SORCS2: variants seen among roughly 807,000 people sequenced by gnomAD.
The protein encoded by SORCS2 is VPS10 domain-containing receptor SorCS2.
In SORCS2, 100 loss-of-function variants were observed where a neutral mutation model predicts 141.6. The observed-to-expected ratio is 0.71, with a 90% CI of 0.60 to 0.83. The LOEUF (loss-of-function observed/expected upper bound fraction) is 0.83. Ranked by LOEUF, SORCS2 falls within the 40% of genes least tolerant of loss-of-function variation. The probability of loss-of-function intolerance (pLI) is 0.00; values close to 1 mark genes in which losing one functional copy is unlikely to be tolerated. For synonymous variants in SORCS2, 789 were observed against 676.9 expected, an observed-to-expected ratio of 1.17 and a Z score of -2.57; for missense variants, 1,646 against 1,560.2, an observed-to-expected ratio of 1.05 and a Z score of -0.93.
intron 2 of SORCS2, among the ~76,000 whole-genome samples, chr4:7,487,274 T>C (rs1295884511): frequency 6.6e-6 from 1 of 152,230 alleles, no homozygotes; most frequent in Admixed American, 6.5e-5. Context: ...AGTTCTGTTT[T>C]CACAAGCTGT....
At position 7,507,342 on chromosome 4, in the gene SORCS2, T is replaced by G. The variant is rs868436818; in HGVS notation, c.549-24188T>G. Among the ~76,000 whole-genome samples, 74 of 152,214 alleles carry G rather than the reference T, an allele frequency of 4.9e-4. 1 individual carries two copies. The Middle Eastern group carries it at 0.014, about 28-fold the overall frequency. ...GGCGCGTGCCACCACGCCAGGCTAA[T>G]TTTTTGTATTTTAGTAGAGACAGGG... is the stretch of plus-strand genomic sequence containing the variant. On this transcript the variant is annotated intron_variant, in intron 2 of 26. Transcript: ENST00000507866.
intron 1 of SORCS2, among the ~76,000 whole-genome samples, chr4:7,232,215 G>A (rs1560128220): frequency 6.6e-6 from 1 of 152,180 alleles, no homozygotes; most frequent in Non-Finnish European, 1.5e-5. Context: ...GGAGCAGTGG[G>A]GAGGCCTGGG....
chr4:7,462,386 T>A (rs1328374242), intron 2 of SORCS2, among the ~76,000 whole-genome samples: 2 of 152,196 alleles, frequency 1.3e-5, no homozygotes, highest in Non-Finnish European at 2.9e-5. Flanking sequence ...AAGACGGGCT[T>A]CGGGAGGCTG....
chr4:7,277,093 C>G (rs1055887216), intron 1 of SORCS2, among the ~76,000 whole-genome samples: 3 of 128,902 alleles, frequency 2.3e-5, no homozygotes, highest in Non-Finnish European at 4.7e-5. Flanking sequence ...CCTGCCCCCA[C>G]GTCCTGTGAG....
intron 1 of SORCS2, among the ~76,000 whole-genome samples, chr4:7,266,701 C>T (rs754827391): frequency 2.0e-5 from 3 of 152,228 alleles, no homozygotes; most frequent in Non-Finnish European, 4.4e-5. Flanking sequence ...GATACCCCCT[C>T]CCCCAGGAGG....
chr4:7,715,798 G>A (rs1017894063), intron 17 of SORCS2, among the ~76,000 whole-genome samples: 1 of 152,180 alleles, frequency 6.6e-6, no homozygotes, highest in African/African-American at 2.4e-5. Context: ...GCTGCCTGCA[G>A]GTCTCAGCTT....
At chr4:7,220,322 G>C (rs1018454384) in intron 1 of SORCS2, among the ~76,000 whole-genome samples, 2 of 152,108 alleles carry the variant, frequency 1.3e-5, no homozygotes, top group African/African-American at 4.8e-5. Context: ...AATTGTTTAC[G>C]GGTGAGCTCC....
chr4:7,587,723 C>G (rs570378477), intron 3 of SORCS2, among the ~76,000 whole-genome samples: 3 of 152,284 alleles, frequency 2.0e-5, no homozygotes, highest in African/African-American at 7.2e-5. Flanking sequence ...CTGCCCACCT[C>G]CCGTCACTTT....
intron 3 of SORCS2, among the ~76,000 whole-genome samples, chr4:7,631,328 G>A (rs1719879797): frequency 6.6e-6 from 1 of 151,386 alleles, no homozygotes; most frequent in Non-Finnish European, 1.5e-5. Flanking sequence ...GGGAGGTGTG[G>A]ACTCATTTTG....
intron 1 of SORCS2, among the ~76,000 whole-genome samples, chr4:7,279,627 G>C (rs1325823133): frequency 6.6e-6 from 1 of 152,214 alleles, no homozygotes; most frequent in East Asian, 1.9e-4. Flanking sequence ...AAGGCATGGC[G>C]CAGGCCTTAG....
At chr4:7,380,856 C>T (rs939290646) in intron 1 of SORCS2, among the ~76,000 whole-genome samples, 14 of 152,270 alleles carry the variant, frequency 9.2e-5, no homozygotes, top group Admixed American at 3.9e-4. Context: ...GAGGCCAAGG[C>T]GGGCAGATCA....
intron 1 of SORCS2, among the ~76,000 whole-genome samples, chr4:7,242,448 C>A (rs1026250781): frequency 1.3e-5 from 2 of 152,004 alleles, no homozygotes; most frequent in Admixed American, 6.6e-5. Context: ...AAGCAGTCCT[C>A]CCACCCCGGC....
chr4:7,317,824 A>T (rs2336115), intron 1 of SORCS2, among the ~76,000 whole-genome samples: 1 of 151,938 alleles, frequency 6.6e-6, no homozygotes, highest in East Asian at 1.9e-4. Flanking sequence ...TCCACCATTC[A>T]GCTGATTCTA....
At position 7,605,372 on chromosome 4, in the gene SORCS2, A is replaced by G. The variant is rs1462184837; in HGVS notation, c.649-32956A>G. Reference sequence around the variant, plus strand: ...GGTTAGACGGTGCAGTCTCTATTCCACATGGCTGTATTGGGAGTTCTGTTC... The same window carrying G: ...GGTTAGACGGTGCAGTCTCTATTCCGCATGGCTGTATTGGGAGTTCTGTTC... On this transcript the variant is annotated intron_variant, in intron 3 of 26. Transcript: ENST00000507866. 2.0e-5 allele frequency among the ~76,000 whole-genome samples: 3 copies of G among 152,152 alleles called. No individual in the cohort carries two copies. The East Asian group carries it at 5.8e-4, about 29-fold the overall frequency.
At chr4:7,625,145 CA>C (rs1719438252) in intron 3 of SORCS2, among the ~76,000 whole-genome samples, 1 of 152,182 alleles carries the variant, frequency 6.6e-6, no homozygotes, top group Non-Finnish European at 1.5e-5. Flanking sequence ...GGCATTTTAG[CA>C]ATTGTCAGGC....
At chr4:7,667,696 GC>G (rs1278919509) in intron 8 of SORCS2, among the ~76,000 whole-genome samples, 1 of 152,188 alleles carries the variant, frequency 6.6e-6, no homozygotes, top group Non-Finnish European at 1.5e-5. Context: ...CTAGTATGCT[GC>G]CTGGCATATA....
intron 8 of SORCS2, among the ~76,000 whole-genome samples, chr4:7,673,616 T>C (rs1722920299): frequency 6.6e-6 from 1 of 152,200 alleles, no homozygotes; most frequent in East Asian, 1.9e-4. Flanking sequence ...AAAACGCTGG[T>C]GCGAGGTCTC....
At chr4:7,519,065 CCCGCCGTGG>C (rs1733161932) in intron 2 of SORCS2, among the ~76,000 whole-genome samples, 1 of 152,056 alleles carries the variant, frequency 6.6e-6, no homozygotes, top group South Asian at 2.1e-4. Context: ...GGCTCTGTCA[CCCGCCGTGG>C]CTCTTGGAAG....
intron 21 of SORCS2, among the ~76,000 whole-genome samples, chr4:7,727,260 C>T (rs1036838951): frequency 6.6e-6 from 1 of 152,232 alleles, no homozygotes; most frequent in African/African-American, 2.4e-5. Context: ...CACCTCTGGC[C>T]AAGCCTGAGC....
Sources: allele counts gnomAD v4.1 joint callset (sites outside exome capture counted in the v4.1 genomes callset), GRCh38; gene constraint gnomAD v4.1.1; transcripts MANE v1.5; gene names NCBI Gene and HGNC (gene_info 2026-07-23, HGNC 2026-07-21).